Variants in SUGCT observed in about 807,000 individuals in gnomAD.
The protein encoded by SUGCT is succinyl-CoA:glutarate-CoA transferase.
Under a neutral mutation model 55.0 loss-of-function variants are expected in SUGCT, and 41 were observed. The ratio of observed to expected loss-of-function variants is 0.74; its 90% CI spans 0.58 to 0.97. The LOEUF (loss-of-function observed/expected upper bound fraction) is 0.97, where lower values mean the gene tolerates loss of function less well. SUGCT is among the 50% of genes least tolerant of loss of function. SUGCT has a pLI of 0.00. For missense variants in SUGCT, 568 were observed against 547.8 expected (o/e 1.04, Z -0.37); for synonymous variants, 187 against 200.4 (o/e 0.93, Z 0.56).
chr7:40,975,971 T>A, the SUGCT span, among the ~76,000 whole-genome samples: 2 of 152,128 alleles, frequency 1.3e-5, no homozygotes, highest in Non-Finnish European at 2.9e-5. Flanking sequence ...CATGACCACG[T>A]CTGTGTCATC....
chr7:40,416,619 C>G (rs550027851), intron 9 of SUGCT, among the ~76,000 whole-genome samples: 1 of 151,932 alleles, frequency 6.6e-6, no homozygotes, highest in African/African-American at 2.4e-5. Context: ...ATAAACTGTA[C>G]CTGATGACAA....
the SUGCT span, among the ~76,000 whole-genome samples, chr7:40,953,099 T>A: frequency 6.6e-6 from 1 of 152,236 alleles, no homozygotes; most frequent in Non-Finnish European, 1.5e-5. Context: ...CAATCAGACG[T>A]AGATTTGGTC....
intron 9 of SUGCT, among the ~76,000 whole-genome samples, chr7:40,339,095 T>C (rs1037118168): frequency 2.0e-5 from 3 of 152,180 alleles, no homozygotes; most frequent in African/African-American, 7.2e-5. Flanking sequence ...ACTGCCTGAT[T>C]GTTCCTCTGG....
At chr7:40,288,098 C>T (rs1793474342) in intron 8 of SUGCT, among the ~76,000 whole-genome samples, 1 of 151,930 alleles carries the variant, frequency 6.6e-6, no homozygotes, top group Non-Finnish European at 1.5e-5. Context: ...GCTGAGGATT[C>T]TTAGGTTTAT....
chr7:40,724,573 G>A (rs897417061), intron 12 of SUGCT, among the ~76,000 whole-genome samples: 2 of 151,090 alleles, frequency 1.3e-5, no homozygotes, highest in African/African-American at 4.9e-5. Context: ...AAAAAAAAAA[G>A]CTCTGGGGGT....
chr7:40,660,666 C>G (rs1487689713), intron 12 of SUGCT, among the ~76,000 whole-genome samples: 3 of 152,190 alleles, frequency 2.0e-5, no homozygotes, highest in Non-Finnish European at 4.4e-5. Context: ...GAAATTCATT[C>G]AGGCGGGCAT....
At chr7:40,292,133 A>T (rs1793824234) in intron 8 of SUGCT, among the ~76,000 whole-genome samples, 1 of 152,356 alleles carries the variant, frequency 6.6e-6, no homozygotes, top group African/African-American at 2.4e-5. Flanking sequence ...TTGGTTTTAT[A>T]TACCATATGT....
chr7:40,476,721 C>T (rs1790704323), intron 11 of SUGCT, among the ~76,000 whole-genome samples: 1 of 151,276 alleles, frequency 6.6e-6, no homozygotes, highest in Non-Finnish European at 1.5e-5. Flanking sequence ...ATTTTATTGT[C>T]ATGAGAATAT....
intron 12 of SUGCT, among the ~76,000 whole-genome samples, chr7:40,650,120 A>G (rs1156334592): frequency 6.6e-6 from 1 of 152,216 alleles, no homozygotes; most frequent in Non-Finnish European, 1.5e-5. Context: ...TCAGTTCTGC[A>G]CAGGCTCTTG....
At chr7:40,548,307 ACTGT>A (rs1795117887) in intron 12 of SUGCT, among the ~76,000 whole-genome samples, 1 of 149,912 alleles carries the variant, frequency 6.7e-6, no homozygotes, top group Non-Finnish European at 1.5e-5. Context: ...TCCCCGCTAA[ACTGT>A]CTGAATAGCT....
At chr7:40,221,072 C>T (rs1584379176) in intron 6 of SUGCT, among the ~76,000 whole-genome samples, 1 of 151,946 alleles carries the variant, frequency 6.6e-6, no homozygotes, top group Non-Finnish European at 1.5e-5. Flanking sequence ...AAAAACAACC[C>T]GAAAAACAAA....
At chr7:40,777,524 G>T (rs1789523841) in intron 13 of SUGCT, among the ~76,000 whole-genome samples, 1 of 151,634 alleles carries the variant, frequency 6.6e-6, no homozygotes, top group African/African-American at 2.4e-5. Flanking sequence ...TTAAATTTCA[G>T]TGATACTTCA....
chr7:40,940,028 A>T, the SUGCT span, among the ~76,000 whole-genome samples: 46 of 152,230 alleles, frequency 3.0e-4, no homozygotes, highest in East Asian at 8.5e-3. Context: ...TTAAGACTTT[A>T]ATCCAACTTG....
chr7:40,368,810 A>C (rs1030752967), intron 9 of SUGCT, among the ~76,000 whole-genome samples: 1 of 152,222 alleles, frequency 6.6e-6, no homozygotes, highest in East Asian at 1.9e-4. Flanking sequence ...GGCTCATTCA[A>C]CTACAACTTT....
At chr7:40,948,989 C>T in the SUGCT span, among the ~76,000 whole-genome samples, 4 of 152,176 alleles carry the variant, frequency 2.6e-5, no homozygotes. Context: ...ATGGCTGGGT[C>T]AAATGGTATT....
intron 12 of SUGCT, among the ~76,000 whole-genome samples, chr7:40,596,602 G>A (rs1340680510): frequency 6.6e-5 from 10 of 152,144 alleles, no homozygotes; most frequent in African/African-American, 2.4e-4. Context: ...CACACTATGT[G>A]GCAGGTTTGG....
intron 9 of SUGCT, among the ~76,000 whole-genome samples, chr7:40,389,848 C>A (rs1365334796): frequency 6.6e-6 from 1 of 152,128 alleles, no homozygotes; most frequent in African/African-American, 2.4e-5. Flanking sequence ...GAATTTTAGA[C>A]CAATATCTCT....
chr7:40,976,410 G>A, the SUGCT span, among the ~76,000 whole-genome samples: 5 of 152,172 alleles, frequency 3.3e-5, no homozygotes, highest in Admixed American at 3.3e-4. Flanking sequence ...TGGATTAAGT[G>A]AGAAATTGAA....
chr7:40,937,738 G>A, the SUGCT span, among the ~76,000 whole-genome samples: 8,580 of 152,030 alleles, frequency 0.056, 257 homozygotes, highest in Middle Eastern at 0.078. Context: ...TGGTTACCGC[G>A]TGGATAGTAT....
Sources: allele counts gnomAD v4.1 joint callset (sites outside exome capture counted in the v4.1 genomes callset), GRCh38; gene constraint gnomAD v4.1.1; transcripts MANE v1.5; gene names NCBI Gene and HGNC (gene_info 2026-07-23, HGNC 2026-07-21).